Variants in JAML observed in about 807,000 individuals in gnomAD.
JAML encodes the protein junction adhesion molecule like.
JAML carries 25 observed loss-of-function variants against 39.3 expected under a neutral mutation model. That is an observed-to-expected ratio of 0.64 (90% CI 0.46 to 0.89). The LOEUF (loss-of-function observed/expected upper bound fraction) is 0.89. Among genes scored for constraint, JAML ranks in the 40% least tolerant of loss-of-function variants. The probability of loss-of-function intolerance (pLI) is 0.00; values close to 1 mark genes in which losing one functional copy is unlikely to be tolerated. For synonymous variants in JAML, 162 were observed against 179.2 expected (o/e 0.90, Z 0.77); for missense variants, 440 against 486.9 (o/e 0.90, Z 0.91).
intron 2 of JAML, among the ~76,000 whole-genome samples, chr11:118,213,724 A>G (rs1949103253): frequency 6.6e-6 from 1 of 152,250 alleles, no homozygotes. Flanking sequence ...CAGCTGAAGA[A>G]GATGAGATTT....
chr11:118,203,836 T>A, intron 5 of JAML, 171 bp from the exon 6 acceptor site: 2 of 616,512 alleles, frequency 3.2e-6, no homozygotes, highest in Non-Finnish European at 2.9e-6. Flanking sequence ...CACATGTGCA[T>A]GCGTGTGTAC....
chr11:118,198,499 C>T (rs890537922), intron 7 of JAML, among the ~76,000 whole-genome samples: 2 of 152,050 alleles, frequency 1.3e-5, no homozygotes, highest in Admixed American at 6.6e-5. Flanking sequence ...GACGCCAATC[C>T]GAAGGGCTCC....
chr11:118,221,321 G>A lies in JAML; in HGVS notation c.-21+3620C>T, dbSNP rs150121860. 4.4e-3 allele frequency among the ~76,000 whole-genome samples: 672 copies of A among 152,122 alleles called. 4 individuals carry two copies. Among genetic ancestry groups the A allele is most frequent in the African/African-American group, 0.015 (629 of 41,546 alleles). ...AGTTATCTTGCACTATAGTTCACTG[G>A]TCCCCAATCTTTTTGGCACCGGGGA... On this transcript the variant is annotated intron_variant, in intron 1 of 9. Coordinates refer to ENST00000356289, the MANE Select transcript of JAML (RefSeq NM_001098526.2).
intron 5 of JAML, 150 bp from the exon 6 acceptor site, chr11:118,203,815 T>C (rs1295826537): frequency 1.5e-6 from 1 of 665,656 alleles, no homozygotes; most frequent in East Asian, 2.6e-5. Flanking sequence ...TAACACAAAG[T>C]CATGTACACA....
intron 1 of JAML, among the ~76,000 whole-genome samples, chr11:118,216,368 C>CAA (rs35141287): frequency 2.4e-4 from 28 of 116,000 alleles, no homozygotes; most frequent in East Asian, 5.6e-4. Context: ...GACTCTGTCT[C>CAA]AAAAAAAAAA....
intron 2 of JAML, among the ~76,000 whole-genome samples, chr11:118,214,027 T>A (rs932063383): frequency 2.6e-5 from 4 of 152,174 alleles, no homozygotes; most frequent in African/African-American, 9.7e-5. Context: ...TATACTTTGC[T>A]GAGTCAGGGT....
chr11:118,211,208 A>G (rs995292149), intron 3 of JAML, among the ~76,000 whole-genome samples: 1 of 152,182 alleles, frequency 6.6e-6, no homozygotes, highest in African/African-American at 2.4e-5. Flanking sequence ...AGTCATCCAC[A>G]GGGAATGGTT....
intron 1 of JAML, among the ~76,000 whole-genome samples, chr11:118,215,354 A>T (rs1793182): frequency 0.092 from 13,978 of 152,062 alleles, 2,155 homozygotes; most frequent in African/African-American, 0.32. Context: ...CCTAAATTAG[A>T]ATTACTACTT....
At chr11:118,196,629 AAATCACCGCCCTC>A in intron 9 of JAML, 93 bp downstream of exon 9, 1 of 890,864 alleles carries the variant, frequency 1.1e-6, no homozygotes, top group Non-Finnish European at 1.8e-6. Context: ...CTACTTAGAA[AAATCACCGCCCTC>A]AGCAGCCTCC....
chr11:118,199,026 C>T (rs1948720345), intron 7 of JAML, among the ~76,000 whole-genome samples: 1 of 152,162 alleles, frequency 6.6e-6, no homozygotes, highest in Admixed American at 6.5e-5. Context: ...TGAGGTCATA[C>T]CATAAATTCT....
chr11:118,208,967 AAT>A (rs1358280492), intron 4 of JAML: 1 of 219,042 alleles, frequency 4.6e-6, no homozygotes, highest in African/African-American at 2.3e-5. Flanking sequence ...ACCATTTCTA[AAT>A]AAGAAATTAT....
intron 6 of JAML, chr11:118,202,915 C>G: frequency 6.6e-6 from 3 of 456,118 alleles, no homozygotes; most frequent in Non-Finnish European, 1.3e-5. Context: ...CAGCACTGGC[C>G]TTGATGCACA....
At chr11:118,214,748 G>A (rs1202903537) in intron 2 of JAML, 76 bp downstream of exon 2, 33 of 1,453,496 alleles carry the variant, frequency 2.3e-5, no homozygotes, top group Non-Finnish European at 3.1e-5. Flanking sequence ...TCGAAAATAT[G>A]TAAAATTGGC....
rs1342637774 is a variant in JAML, at chr11:118,196,727, A to C, written c.1092+8T>G. On this transcript the variant is annotated splice_region_variant and intron_variant, in intron 9 of 9. Coordinates refer to ENST00000356289, the MANE Select transcript of JAML (RefSeq NM_001098526.2). ...ACCTGGCTCAGCTGAGGCCAGAATC[A>C]TTCTCACCATGGTCATGTAGGTGGC... 3.1e-6 allele frequency: 5 copies of C among 1,604,892 alleles called. No individual in the cohort carries two copies. Among genetic ancestry groups the C allele is most frequent in the Non-Finnish European group, 4.3e-6 (5 of 1,171,750 alleles).
Position 118,205,557 on chromosome 11 carries a change from C to T in JAML, c.534+325G>A, listed in dbSNP as rs1948898357. On this transcript the variant is annotated intron_variant, in intron 5 of 9. Coordinates refer to ENST00000356289, the MANE Select transcript of JAML (RefSeq NM_001098526.2). ...TGGCTGGGCCACAAAAATCATCTCC[C>T]TCATTCTCCCATGGACTCTATACGA... 4 of 224,058 alleles carry T rather than the reference C, an allele frequency of 1.8e-5. No homozygotes were observed. The South Asian group carries it at 2.9e-4, about 16-fold the overall frequency. 13.9% of individuals were successfully genotyped at this position (224,058 alleles called of 1,614,324 possible).
At chr11:118,212,815 C>T in intron 2 of JAML, 4 of 1,613,052 alleles carry the variant, frequency 2.5e-6, no homozygotes, top group Admixed American at 1.7e-5. Context: ...GCCCCTTACA[C>T]TTTTCTGGAA....
chr11:118,202,226 CTG>C (rs1948817273), intron 6 of JAML: 1 of 152,204 alleles, frequency 6.6e-6, no homozygotes, highest in Non-Finnish European at 1.5e-5. Flanking sequence ...TTGTTCAACT[CTG>C]AATGTACTAA....
At chr11:118,209,111 A>C in intron 4 of JAML, 1 of 317,194 alleles carries the variant, frequency 3.2e-6, no homozygotes, top group South Asian at 3.9e-5. Context: ...CAGCTTCTAC[A>C]GTTGCTTGCA....
chr11:118,203,708 G>T, intron 5 of JAML, 43 bp from the exon 6 acceptor site: 1 of 1,528,918 alleles, frequency 6.5e-7, no homozygotes, highest in Non-Finnish European at 9.1e-7. Context: ...GAGGACTGGA[G>T]TGGAGCGGGG....
Sources: allele counts gnomAD v4.1 joint callset (sites outside exome capture counted in the v4.1 genomes callset), GRCh38; gene constraint gnomAD v4.1.1; transcripts MANE v1.5; gene names NCBI Gene and HGNC (gene_info 2026-07-23, HGNC 2026-07-21).